Variants in CTNND2 observed in about 807,000 individuals in gnomAD.
The protein encoded by CTNND2 is catenin delta 2, also known as catenin delta-2.
Under a neutral mutation model 144.4 loss-of-function variants are expected in CTNND2, and 22 were observed. That is an observed-to-expected ratio of 0.15 (90% confidence interval 0.11 to 0.22). The LOEUF (loss-of-function observed/expected upper bound fraction) is 0.22, where lower values mean the gene tolerates loss of function less well. Ranked by LOEUF, CTNND2 falls within the 10% of genes least tolerant of loss-of-function variation. CTNND2 has a pLI of 1.00. For missense variants in CTNND2, 1,353 were observed against 1,618.8 expected (o/e 0.84, Z 2.82); for synonymous variants, 751 against 695.6 (o/e 1.08, Z -1.25).
chr5:11,461,087 G>A lies in CTNND2; in HGVS notation c.288-49018C>T, dbSNP rs574081521. On this transcript the variant is annotated intron_variant, in intron 3 of 21. Coordinates refer to ENST00000304623, the MANE Select transcript of CTNND2 (RefSeq NM_001332.4). ...TCCCTTCACTTTCCCCGCTAGTCCT[G>A]CTTCATTGTTCTTTCTGGTTCTTTA... Among the ~76,000 whole-genome samples, 3 of 151,656 alleles carry A rather than the reference G, an allele frequency of 2.0e-5. No homozygotes were observed. In the East Asian group the frequency reaches 5.8e-4, roughly 29 times the overall value.
intron 9 of CTNND2, among the ~76,000 whole-genome samples, chr5:11,265,698 A>ATTTTTTTTTTTTT (rs5865929): frequency 1.3e-5 from 1 of 77,418 alleles, no homozygotes; most frequent in Non-Finnish European, 2.3e-5. Context: ...TGTATTCTCT[A>ATTTTTTTTTTTTT]TTTTTTTTTT....
At chr5:11,468,185 G>A (rs554988401) in intron 3 of CTNND2, among the ~76,000 whole-genome samples, 1 of 152,248 alleles carries the variant, frequency 6.6e-6, no homozygotes, top group South Asian at 2.1e-4. Flanking sequence ...ACAATCCTAA[G>A]ATTAAGGCAG....
In CTNND2 at chr5:11,426,617, A is replaced by G. The variant is rs151278428; in HGVS notation, c.288-14548T>C. On this transcript the variant is annotated intron_variant, in intron 3 of 21. Transcript: ENST00000304623. ...CATGATGTGTTGTGGGAGTTGAGTG[A>G]GACTCAAGTCAGTACAAGGTAAATG... Among the ~76,000 whole-genome samples, 261 of 152,326 alleles carry G rather than the reference A, an allele frequency of 1.7e-3. 1 individual carries two copies. The highest frequency in any genetic ancestry group is 4.7e-3 in the Admixed American group (72 of 15,302).
intron 3 of CTNND2, among the ~76,000 whole-genome samples, chr5:11,560,007 C>T (rs939719135): frequency 1.3e-5 from 2 of 152,164 alleles, no homozygotes; most frequent in South Asian, 4.1e-4. Flanking sequence ...GCCCACATTG[C>T]CAGACTCCTC....
chr5:11,183,315 T>G (rs926759787), intron 11 of CTNND2, among the ~76,000 whole-genome samples: 6 of 152,184 alleles, frequency 3.9e-5, no homozygotes, highest in Admixed American at 3.9e-4. Flanking sequence ...TAACGAAGCC[T>G]TAGGAAGTCT....
At position 11,865,920 on chromosome 5, in the gene CTNND2, T is replaced by G. The variant is rs1206136697; in HGVS notation, c.37+37897A>C. Among the ~76,000 whole-genome samples, 11 of 12,858 alleles carry G rather than the reference T, an allele frequency of 8.6e-4. 1 individual carries two copies. The highest frequency in any genetic ancestry group is 8.4e-3 in the South Asian group (2 of 238). 8.4% of individuals were successfully genotyped at this position (12,858 alleles called of 152,430 possible). On this transcript the variant is annotated intron_variant, in intron 1 of 21. Coordinates refer to ENST00000304623, the MANE Select transcript of CTNND2 (RefSeq NM_001332.4). ...GAAGAGACAAAAAAAAAAAAACGAG[T>G]TCTCCTCTAGAGCCTCCAGAAAGGA... is the stretch of plus-strand genomic sequence containing the variant.
rs535425992 is a variant in CTNND2, at chr5:11,662,828, G to A, written c.174+69308C>T. On this transcript the variant is annotated intron_variant, in intron 2 of 21. Transcript: ENST00000304623. ...CCCTGCCTCCCCATCCCAAAACCCC[G>A]TCCATGGAAAAACTGTCTTCCGCAA... Among the ~76,000 whole-genome samples the A allele has an allele frequency of 1.3e-4, 20 of 152,070 alleles. No homozygotes were observed. The East Asian group carries it at 1.5e-3, about 12-fold the overall frequency.
At chr5:11,131,661 C>T (rs939923524) in intron 12 of CTNND2, among the ~76,000 whole-genome samples, 3 of 152,010 alleles carry the variant, frequency 2.0e-5, no homozygotes, top group East Asian at 1.9e-4. Flanking sequence ...TGGTGGCGGG[C>T]GCCTGTAGTC....
At chr5:11,540,666 C>T (rs751274484) in intron 3 of CTNND2, among the ~76,000 whole-genome samples, 24 of 152,096 alleles carry the variant, frequency 1.6e-4, no homozygotes, top group Non-Finnish European at 3.1e-4. Flanking sequence ...TGCATCACCA[C>T]GCCCAGCTAA....
At chr5:11,891,754 T>C (rs564642020) in intron 1 of CTNND2, among the ~76,000 whole-genome samples, 3 of 152,350 alleles carry the variant, frequency 2.0e-5, no homozygotes, top group South Asian at 2.1e-4. Flanking sequence ...AAATAAACGT[T>C]GTTTAAGCCA....
At chr5:11,155,143 A>C (rs1394426900) in intron 12 of CTNND2, among the ~76,000 whole-genome samples, 2 of 152,212 alleles carry the variant, frequency 1.3e-5, no homozygotes, top group African/African-American at 4.8e-5. Flanking sequence ...AGCCAGCTCA[A>C]TGTTCCCTGG....
At chr5:11,286,700 A>G (rs1384823020) in intron 9 of CTNND2, among the ~76,000 whole-genome samples, 1 of 152,242 alleles carries the variant, frequency 6.6e-6, no homozygotes, top group Non-Finnish European at 1.5e-5. Context: ...GAGTTGGCAC[A>G]TACAGGGTGA....
At chr5:11,854,043 C>G (rs1399218964) in intron 1 of CTNND2, among the ~76,000 whole-genome samples, 2 of 152,200 alleles carry the variant, frequency 1.3e-5, no homozygotes, top group East Asian at 1.9e-4. Flanking sequence ...CCTGGAAAAC[C>G]TGGCTGAGCA....
chr5:11,792,158 T>A (rs1791166539), intron 1 of CTNND2, among the ~76,000 whole-genome samples: 1 of 152,310 alleles, frequency 6.6e-6, no homozygotes, highest in Admixed American at 6.5e-5. Context: ...TCAGTTTAAA[T>A]GAGAGAATGC....
intron 3 of CTNND2, among the ~76,000 whole-genome samples, chr5:11,472,991 A>C (rs1448452588): frequency 6.6e-6 from 1 of 152,136 alleles, no homozygotes; most frequent in Non-Finnish European, 1.5e-5. Context: ...GAATCGCTTG[A>C]ACCTGGAGTA....
At chr5:11,550,803 G>C (rs1476918862) in intron 3 of CTNND2, among the ~76,000 whole-genome samples, 1 of 152,122 alleles carries the variant, frequency 6.6e-6, no homozygotes, top group Non-Finnish European at 1.5e-5. Flanking sequence ...AAAATCAAAG[G>C]GTTCTTGTTG....
intron 1 of CTNND2, among the ~76,000 whole-genome samples, chr5:11,837,706 C>T (rs1409929747): frequency 6.6e-6 from 1 of 152,074 alleles, no homozygotes; most frequent in Non-Finnish European, 1.5e-5. Context: ...TCTTTGTTTT[C>T]CCAGCTCAAA....
chr5:11,270,970 A>G (rs1467342611), intron 9 of CTNND2, among the ~76,000 whole-genome samples: 1 of 152,242 alleles, frequency 6.6e-6, no homozygotes, highest in East Asian at 1.9e-4. Flanking sequence ...CTAGGAAAAT[A>G]AAAGGAACAT....
intron 3 of CTNND2, among the ~76,000 whole-genome samples, chr5:11,508,821 G>A (rs1372281790): frequency 6.6e-6 from 1 of 151,968 alleles, no homozygotes; most frequent in Non-Finnish European, 1.5e-5. Flanking sequence ...TGAAGCAGGA[G>A]AGTCACTTGA....
Sources: allele counts gnomAD v4.1 joint callset (sites outside exome capture counted in the v4.1 genomes callset), GRCh38; gene constraint gnomAD v4.1.1; transcripts MANE v1.5; gene names NCBI Gene and HGNC (gene_info 2026-07-23, HGNC 2026-07-21).